The following TRPC5 variants were observed in gnomAD, a reference collection of about 807,000 sequenced individuals.
TRPC5 encodes the protein transient receptor potential cation channel subfamily C member 5, also known as short transient receptor potential channel 5.
TRPC5 carries 9 observed loss-of-function variants against 56.5 expected under a neutral mutation model. The ratio of observed to expected loss-of-function variants is 0.16; its 90% CI spans 0.10 to 0.28. The LOEUF is 0.28. TRPC5 is among the 10% of genes least tolerant of loss of function. TRPC5 has a pLI of 1.00. For missense variants in TRPC5, 469 were observed against 748.9 expected, an observed-to-expected ratio of 0.63 and a Z score of 4.36; for synonymous variants, 282 against 278.5, an observed-to-expected ratio of 1.01 and a Z score of -0.13.
intron 1 of TRPC5, among the ~76,000 whole-genome samples, chrX:112,022,863 T>C (rs1383020875): frequency 8.9e-6 from 1 of 112,643 alleles, no homozygotes; most frequent in African/African-American, 3.2e-5. Flanking sequence ...TTGTTTAGCA[T>C]TTATGTAGTC....
intron 7 of TRPC5, among the ~76,000 whole-genome samples, chrX:111,784,334 A>T (rs140850107): frequency 2.0e-3 from 227 of 112,470 alleles, no homozygotes; most frequent in African/African-American, 7.2e-3. Flanking sequence ...ACATCAAAGG[A>T]CAGCATAAAG....
At chrX:112,021,317 G>A (rs1929266294) in intron 1 of TRPC5, among the ~76,000 whole-genome samples, 1 of 111,783 alleles carries the variant, frequency 8.9e-6, no homozygotes, top group African/African-American at 3.3e-5. Flanking sequence ...TAGTAGGCAA[G>A]TAGAATAAAC....
intron 1 of TRPC5, among the ~76,000 whole-genome samples, chrX:111,984,343 A>T (rs1189141921): frequency 9.0e-6 from 1 of 111,571 alleles, no homozygotes; most frequent in Non-Finnish European, 1.9e-5. Context: ...TCTGGGCCCC[A>T]CTCAAAACTA....
chrX:112,008,313 T>C (rs1050072503), intron 1 of TRPC5, among the ~76,000 whole-genome samples: 1 of 111,737 alleles, frequency 8.9e-6, no homozygotes, highest in African/African-American at 3.3e-5. Flanking sequence ...AGGTGATGGC[T>C]GGGCGCGGTG....
Position 111,950,986 on chromosome X carries a change from A to G in TRPC5, c.378+1057T>C, listed in dbSNP as rs770454863. Among the ~76,000 whole-genome samples, 7 of 112,323 alleles carry G rather than the reference A, an allele frequency of 6.2e-5. No individual in the cohort carries two copies. In the South Asian group the frequency reaches 2.6e-3, roughly 42 times the overall value. ...GAAGGGAAGCTGCAAAAGGATGCAC[A>G]GGAATGGCAGGCTCATATCCTATTT... On this transcript the variant is annotated intron_variant, in intron 2 of 10. Coordinates refer to ENST00000262839, the MANE Select transcript of TRPC5 (RefSeq NM_012471.3).
chrX:111,816,759 T>A (rs1921869922), intron 7 of TRPC5, among the ~76,000 whole-genome samples: 1 of 111,092 alleles, frequency 9.0e-6, no homozygotes, highest in African/African-American at 3.3e-5. Flanking sequence ...ACTGTCAAAA[T>A]GTAGCTCTTT....
chrX:112,036,885 G>A (rs1362645670), intron 1 of TRPC5, among the ~76,000 whole-genome samples: 1 of 110,753 alleles, frequency 9.0e-6, no homozygotes, highest in Admixed American at 9.6e-5. Flanking sequence ...GTCTCCATAT[G>A]TCTTCCCTAC....
rs368649711 is a variant in TRPC5, at chrX:111,808,556, G to C, written c.1896+26365C>G. On this transcript the variant is annotated intron_variant, in intron 7 of 10. Transcript: ENST00000262839. ...CCTTCAGGGCAGTGGTACCCCCTTT[G>C]GTGCAGGGAAGGTCCAGAAATGCTG... Among the ~76,000 whole-genome samples the C allele has an allele frequency of 6.3e-5, 7 of 110,667 alleles. No homozygotes were observed. The South Asian group carries it at 1.9e-3, about 31-fold the overall frequency.
chrX:111,937,341 T>G (rs1414933421), intron 2 of TRPC5, among the ~76,000 whole-genome samples: 1 of 101,870 alleles, frequency 9.8e-6, no homozygotes, highest in Non-Finnish European at 2.0e-5. Flanking sequence ...AGAAGCTCTT[T>G]AGTTTAATTA....
intron 7 of TRPC5, among the ~76,000 whole-genome samples, chrX:111,794,655 C>G (rs1946046614): frequency 9.0e-6 from 1 of 111,374 alleles, no homozygotes; most frequent in African/African-American, 3.3e-5. Flanking sequence ...AATTCTGGAG[C>G]CTGGGAAGTT....
At chrX:111,898,725 C>G (rs181792731) in intron 3 of TRPC5, among the ~76,000 whole-genome samples, 161 of 110,046 alleles carry the variant, frequency 1.5e-3, no homozygotes, top group South Asian at 3.1e-3. Context: ...AAAATGTGAG[C>G]TAGTTATAGA....
rs1945841519 is a variant in TRPC5 at position 111,771,201 on chromosome X, C to G, written c.*5112G>C. On this transcript the variant is annotated 3_prime_UTR_variant, in exon 11 of 11. Coordinates refer to ENST00000262839, the MANE Select transcript of TRPC5 (RefSeq NM_012471.3). The stretch of plus-strand genomic sequence containing the variant: ...TCAAAAGTTGTGGGCTGTTTATGTT[C>G]CTACAGAAATTGTTTGTCATTTATT... Among the ~76,000 whole-genome samples the G allele has an allele frequency of 9.0e-6, 1 of 111,508 alleles. No individual in the cohort carries two copies. The highest frequency in any genetic ancestry group is 1.9e-5 in the Non-Finnish European group (1 of 53,095).
intron 1 of TRPC5, among the ~76,000 whole-genome samples, chrX:112,072,868 C>T (rs552782762): frequency 9.0e-6 from 1 of 111,617 alleles, no homozygotes; most frequent in Admixed American, 9.6e-5. Flanking sequence ...TCATATAATT[C>T]TTCTCATCTG....
chrX:112,039,830 T>TAATTCAATCAGTGATTTATTTTATCCCA (rs1839812357), intron 1 of TRPC5, among the ~76,000 whole-genome samples: 1 of 112,174 alleles, frequency 8.9e-6, no homozygotes, highest in African/African-American at 3.2e-5. Flanking sequence ...GTCTGCCACT[T>TAATTCAATCAGTGATTTATTTTATCCCA]AATTCAATCA....
chrX:111,903,353 A>G (rs1925452151), intron 3 of TRPC5: 1 of 112,271 alleles, frequency 8.9e-6, no homozygotes, highest in Non-Finnish European at 1.9e-5. Flanking sequence ...CAGGAGAGAG[A>G]AGCAAATTAA....
intron 6 of TRPC5, among the ~76,000 whole-genome samples, chrX:111,841,899 C>T (rs1276407394): frequency 5.6e-5 from 6 of 107,399 alleles, no homozygotes; most frequent in Non-Finnish European, 7.6e-5. Context: ...TTAATAGAGA[C>T]GGGATTTCGC....
chrX:111,888,666 C>CCTGGGTGA (rs1187158695), intron 3 of TRPC5, among the ~76,000 whole-genome samples: 1 of 87,947 alleles, frequency 1.1e-5, no homozygotes, highest in African/African-American at 4.8e-5. Context: ...TGTACTCTAG[C>CCTGGGTGA]CTGGGTGACA....
chrX:111,968,165 G>A (rs2148646770), intron 1 of TRPC5, among the ~76,000 whole-genome samples: 1 of 111,553 alleles, frequency 9.0e-6, no homozygotes, highest in South Asian at 3.8e-4. Context: ...GTGGGCGAAG[G>A]ATATGAACAG....
intron 7 of TRPC5, among the ~76,000 whole-genome samples, chrX:111,824,029 G>A (rs749770483): frequency 2.5e-4 from 28 of 109,868 alleles, no homozygotes; most frequent in Non-Finnish European, 3.8e-4. Context: ...TCAGGAGTTC[G>A]AGATCAGCCT....
Sources: allele counts gnomAD v4.1 joint callset (sites outside exome capture counted in the v4.1 genomes callset), GRCh38; gene constraint gnomAD v4.1.1; transcripts MANE v1.5; gene names NCBI Gene and HGNC (gene_info 2026-07-23, HGNC 2026-07-21).